Variants in MBOAT7 observed in about 807,000 individuals in gnomAD.
The protein encoded by MBOAT7 is membrane bound acylglycerophosphatidylinositol O-acyltransferase MBOAT7, also known as membrane-bound acylglycerophosphatidylinositol O-acyltransferase MBOAT7.
MBOAT7 carries 40 observed loss-of-function variants against 47.4 expected under a neutral mutation model. That is an observed-to-expected ratio of 0.84 (90% confidence interval 0.66 to 1.10). The LOEUF is 1.10. Ranked by LOEUF, MBOAT7 falls within the 50% of genes least tolerant of loss-of-function variation. The pLI is 0.00. For synonymous variants in MBOAT7, 361 were observed against 292.0 expected, an observed-to-expected ratio of 1.24 and a Z score of -2.41; for missense variants, 680 against 655.6, an observed-to-expected ratio of 1.04 and a Z score of -0.41.
chr19:54,181,080 C>A lies in MBOAT7; in HGVS notation c.547G>T (p.Gly183Trp). ...AGGGGCCGCAGGCTGGGCACTGCCC[C>A]GGGGAAGGGCTGCTCCAGCCAGTCC... is the stretch of plus-strand genomic sequence containing the variant. ...YLDWLEQPFPGAVPSLRPLLR... is the reference protein window; with the variant it reads ...YLDWLEQPFPWAVPSLRPLLR... Residue 183 changes from glycine to tryptophan, a missense_variant, in exon 6 of 8, where the codon GGG (glycine) becomes TGG (tryptophan). Coordinates refer to ENST00000245615, the MANE Select transcript of MBOAT7 (RefSeq NM_024298.5). 6.8e-7 allele frequency: 1 copy of A among 1,478,274 alleles called. No homozygotes were observed. Among genetic ancestry groups the A allele is most frequent in the South Asian group, 1.3e-5 (1 of 77,362 alleles). 91.6% of individuals were successfully genotyped at this position (1,478,274 alleles called of 1,614,324 possible). A position where few individuals can be genotyped will look rare whatever the true frequency, so the allele number is the denominator to read the frequency against.
chr19:54,189,406 G>T lies in MBOAT7; in HGVS notation c.-72C>A. On this transcript the variant is annotated 5_prime_UTR_variant, in exon 1 of 8. Coordinates refer to ENST00000245615, the MANE Select transcript of MBOAT7 (RefSeq NM_024298.5). ...CGCTTGCCGCCGCAGCTCCGGCCACGCCTCCCCCGCCCAGCGCGCCCCCGC... is the reference window on the plus strand; with the variant it reads ...CGCTTGCCGCCGCAGCTCCGGCCACTCCTCCCCCGCCCAGCGCGCCCCCGC... The T allele has an allele frequency of 6.5e-6, 1 of 153,076 alleles. No homozygotes were observed. Among genetic ancestry groups the T allele is most frequent in the Non-Finnish European group, 1.5e-5 (1 of 68,624 alleles). The allele number at this position is 153,076 out of a possible 1,614,324, so 9.5% of individuals were successfully genotyped here. A position where few individuals can be genotyped will look rare whatever the true frequency, so the allele number is the denominator to read the frequency against.
intron 3 of MBOAT7, among the ~76,000 whole-genome samples, chr19:54,187,532 G>A (rs36631): frequency 0.39 from 59,402 of 152,112 alleles, 12,378 homozygotes; most frequent in East Asian, 0.57. Flanking sequence ...GAGAAGCTTC[G>A]GGTGAAGACC....
rs1317969629 is a variant in MBOAT7, at chr19:54,179,154, T to C, written c.855-213A>G. On this transcript the variant is annotated intron_variant, in intron 6 of 7. Transcript: ENST00000245615. Reference sequence around the variant, plus strand: ...GGGTGGGCTGGGTGGTACAGTCCACTGACAATGGGGTTCTTCTTCTTTTGG... The same window carrying C: ...GGGTGGGCTGGGTGGTACAGTCCACCGACAATGGGGTTCTTCTTCTTTTGG... 3.3e-5 allele frequency: 20 copies of C among 603,898 alleles called. No individual in the cohort carries two copies. In the East Asian group the frequency reaches 5.3e-4, roughly 16 times the overall value. The allele number at this position is 603,898 out of a possible 1,614,324, so 37.4% of individuals were successfully genotyped here. A position where few individuals can be genotyped will look rare whatever the true frequency, so the allele number is the denominator to read the frequency against.
At chr19:54,186,616 C>A (rs1431932483) in intron 4 of MBOAT7, among the ~76,000 whole-genome samples, 2 of 152,206 alleles carry the variant, frequency 1.3e-5, no homozygotes, top group Non-Finnish European at 2.9e-5. Flanking sequence ...CCACTGAGCT[C>A]CCACAGGGCA....
intron 7 of MBOAT7, among the ~76,000 whole-genome samples, chr19:54,177,900 G>GTTTA (rs2076153942): frequency 1.3e-5 from 1 of 75,974 alleles, no homozygotes. Flanking sequence ...TTCTACTTCT[G>GTTTA]TTTTTTTTTT....
At chr19:54,174,975 G>GTTTT (rs34483717) in intron 7 of MBOAT7, among the ~76,000 whole-genome samples, 4 of 127,906 alleles carry the variant, frequency 3.1e-5, no homozygotes, top group African/African-American at 5.9e-5. Context: ...CAGCCCAGTG[G>GTTTT]TTTTTTTTTT....
chr19:54,174,121 C>G lies in MBOAT7; in HGVS notation c.1342G>C (p.Gly448Arg), dbSNP rs1238535119. Residue 448 changes from glycine (G) to arginine (R), a missense_variant, in exon 8 of 8, where the codon GGT (glycine) becomes CGT (arginine). Gly to Arg is a moderately radical substitution (Grantham distance 125). Transcript: ENST00000245615. ...LAALGLGLAL[G>R]GGSPSRRKAA... ...TTCCGCCGGCTGGGGCTGCCCCCACCTAAAGCCAGCCCCAGCCCCAGGGCT... is the reference window on the plus strand; with the variant it reads ...TTCCGCCGGCTGGGGCTGCCCCCACGTAAAGCCAGCCCCAGCCCCAGGGCT... The G allele has an allele frequency of 6.2e-7, 1 of 1,604,540 alleles. No individual in the cohort carries two copies. The highest frequency in any genetic ancestry group is 1.7e-5 in the Admixed American group (1 of 58,226).
rs575484310 is a variant in MBOAT7, at chr19:54,186,977, G to A, written c.333+184C>T. ...TCCTCACCCCAGGAGGAGCTGGGAG[G>A]TGAAGACCTGCCCAAGGGCATGTGA... On this transcript the variant is annotated intron_variant, in intron 4 of 7. Coordinates refer to ENST00000245615, the MANE Select transcript of MBOAT7 (RefSeq NM_024298.5). The A allele has an allele frequency of 9.8e-5, 70 of 712,880 alleles. No individual in the cohort carries two copies. The African/African-American group carries it at 1.2e-3, about 12-fold the overall frequency. The allele number at this position is 712,880 out of a possible 1,614,324, so 44.2% of individuals were successfully genotyped here. A position where few individuals can be genotyped will look rare whatever the true frequency, so the allele number is the denominator to read the frequency against.
intron 7 of MBOAT7, among the ~76,000 whole-genome samples, chr19:54,176,950 G>A (rs1249765170): frequency 6.6e-6 from 1 of 151,774 alleles, no homozygotes; most frequent in Non-Finnish European, 1.5e-5. Context: ...GGCCGGGCAT[G>A]GTGACTCACG....
intron 3 of MBOAT7, 110 bp downstream of exon 3, chr19:54,188,107 C>A: frequency 9.6e-7 from 1 of 1,037,688 alleles, no homozygotes; most frequent in Non-Finnish European, 1.4e-6. Context: ...ATGAGCTGAT[C>A]AACAAGAGAC....
chr19:54,188,094 G>T, intron 3 of MBOAT7, 123 bp downstream of exon 3: 1 of 873,622 alleles, frequency 1.1e-6, no homozygotes, highest in Non-Finnish European at 1.7e-6. Context: ...ATGAAACAGA[G>T]AAATGAGCTG....
chr19:54,177,342 C>T (rs1350791493), intron 7 of MBOAT7, among the ~76,000 whole-genome samples: 1 of 151,494 alleles, frequency 6.6e-6, no homozygotes, highest in Non-Finnish European at 1.5e-5. Context: ...GTTGCCCAGG[C>T]TGGAGTGCAG....
chr19:54,180,654 G>T lies in MBOAT7; in HGVS notation c.854+119C>A. 9 of 983,904 alleles carry T rather than the reference G, an allele frequency of 9.1e-6. No homozygotes were observed. Among genetic ancestry groups the T allele is most frequent in the Non-Finnish European group, 1.2e-5 (8 of 692,156 alleles). The allele number at this position is 983,904 out of a possible 1,614,324, so 60.9% of individuals were successfully genotyped here. A position where few individuals can be genotyped will look rare whatever the true frequency, so the allele number is the denominator to read the frequency against. ...ATGGTTGCCGAGGGGGCGACACTCT[G>T]CTCAAAAAGGTGGTGGCCCTGGCCC... is the stretch of plus-strand genomic sequence containing the variant. On this transcript the variant is annotated intron_variant, in intron 6 of 7. Transcript: ENST00000245615. The surrounding 1 kb of genome is among the most constrained non-coding windows in gnomAD (Gnocchi z 5.2).
In MBOAT7 at chr19:54,183,666, G is replaced by A. The variant is rs748337178; in HGVS notation, c.348C>T (p.Ala116=). Reference sequence around the variant, plus strand: ...CCAGATGCAGGTCCTGGACTTCACTGGCCAGGCTCACCAGCTGGGCAGAAG... The same window carrying A: ...CCAGATGCAGGTCCTGGACTTCACTAGCCAGGCTCACCAGCTGGGCAGAAG... ...LLLTLKLVSL[A]SEVQDLHLAQ... The change falls in exon 5 of 8, where the codon GCC becomes GCT. Residue 116 remains alanine (A), a synonymous_variant. Coordinates refer to ENST00000245615, the MANE Select transcript of MBOAT7 (RefSeq NM_024298.5). The A allele has an allele frequency of 6.4e-7, 1 of 1,573,890 alleles. No individual in the cohort carries two copies. Among genetic ancestry groups the A allele is most frequent in the East Asian group, 2.4e-5 (1 of 42,328 alleles).
At chr19:54,181,199 G>A in intron 5 of MBOAT7, 66 bp from the exon 6 acceptor site, 2 of 1,434,458 alleles carry the variant, frequency 1.4e-6, no homozygotes, top group South Asian at 1.5e-5. Context: ...TCTGCAGGAG[G>A]AGGACAGGGA....
chr19:54,183,795 GC>G (rs2076353909), intron 4 of MBOAT7, 115 bp from the exon 5 acceptor site: 1 of 1,070,564 alleles, frequency 9.3e-7, no homozygotes, highest in Non-Finnish European at 1.3e-6. Context: ...CCGCAGCTCT[GC>G]CCATCTAGGT....
At position 54,174,203 on chromosome 19, in the gene MBOAT7, G is replaced by A. The variant is rs10416555; in HGVS notation, c.1260C>T (p.Ala420=). The A allele has an allele frequency of 0.13, 207,249 of 1,597,250 alleles. 14,562 individuals carry two copies. Among genetic ancestry groups the A allele is most frequent in the African/African-American group, 0.26 (19,109 of 74,288 alleles). Residue 420 remains alanine, a synonymous_variant, in exon 8 of 8, where the codon GCC becomes GCT. Coordinates refer to ENST00000245615, the MANE Select transcript of MBOAT7 (RefSeq NM_024298.5). Reference sequence around the variant, plus strand: ...TGGAGGCCCAGTACCGAAGGGTGTCGGCCAAGGAGAGCAGCACGAAGCCCA... The same window carrying A: ...TGGAGGCCCAGTACCGAAGGGTGTCAGCCAAGGAGAGCAGCACGAAGCCCA... ...MCMGFVLLSL[A]DTLRYWASIY...
intron 5 of MBOAT7, among the ~76,000 whole-genome samples, chr19:54,181,384 G>A (rs375387026): frequency 3.9e-5 from 6 of 151,970 alleles, no homozygotes; most frequent in Non-Finnish European, 8.8e-5. Flanking sequence ...GGGCCGGTGC[G>A]GTGGCTCACA....
chr19:54,183,426 T>G, intron 5 of MBOAT7, 95 bp downstream of exon 5: 1 of 1,406,452 alleles, frequency 7.1e-7, no homozygotes. Context: ...AGGATGGAGG[T>G]TGCCCTGGGC....
Sources: allele counts gnomAD v4.1 joint callset (sites outside exome capture counted in the v4.1 genomes callset), GRCh38; gene constraint gnomAD v4.1.1; non-coding constraint Gnocchi (gnomAD v3.1); transcripts MANE v1.5; gene names NCBI Gene and HGNC (gene_info 2026-07-23, HGNC 2026-07-21).